The following H2BC18 variants were observed in gnomAD, a reference collection of about 807,000 sequenced individuals.
The protein encoded by H2BC18 is histone H2B type 2-F.
H2BC18 carries 8 observed loss-of-function variants against 6.3 expected under a neutral mutation model. That is an observed-to-expected ratio of 1.28 (90% CI 0.75 to 2.31). H2BC18 has a LOEUF of 2.31. Ranked by LOEUF, H2BC18 falls within the 30% of genes most tolerant of loss-of-function variation. The pLI is 0.00. For missense variants in H2BC18, 106 were observed against 174.5 expected, an observed-to-expected ratio of 0.61 and a Z score of 2.21; for synonymous variants, 104 against 78.1, an observed-to-expected ratio of 1.33 and a Z score of -1.75.
intron 1 of H2BC18, among the ~76,000 whole-genome samples, chr1:149,791,073 C>A (rs2091698829): frequency 6.6e-6 from 1 of 150,988 alleles, no homozygotes; most frequent in African/African-American, 2.4e-5. Flanking sequence ...CACCATATAG[C>A]CAGTTAGAGC....
At chr1:149,789,298 C>T (rs2091636023) in intron 1 of H2BC18, among the ~76,000 whole-genome samples, 1 of 152,022 alleles carries the variant, frequency 6.6e-6, no homozygotes, top group Non-Finnish European at 1.5e-5. Context: ...GAGGCTGAGG[C>T]AGGAGAATAG....
chr1:149,812,208 G>C lies in H2BC18; in HGVS notation c.116C>G (p.Ser39Cys), dbSNP rs1313691169. ...CTTCAGCACCTTGTACACGTAAACG[G>C]AGTAGCTCTCCTTGCGGCTGCGCTT... ...KRKRSRKESY[S>C]VYVYKVLKQV... The change falls in exon 1 of 1, where the codon TCC (serine) becomes TGC (cysteine). Residue 39 changes from serine to cysteine, a missense_variant. Transcript: ENST00000369167. 15 of 1,614,154 alleles carry C rather than the reference G, an allele frequency of 9.3e-6. No homozygotes were observed. The highest frequency in any genetic ancestry group is 1.3e-5 in the African/African-American group (1 of 74,952).
At chr1:149,794,163 A>C (rs1197740728) in intron 1 of H2BC18, 1 of 361,148 alleles carries the variant, frequency 2.8e-6, no homozygotes, top group African/African-American at 2.2e-5. Context: ...CTGGACTAAC[A>C]TGGTAACAGT....
At chr1:149,789,317 C>T (rs587681037) in intron 1 of H2BC18, among the ~76,000 whole-genome samples, 2 of 151,984 alleles carry the variant, frequency 1.3e-5, no homozygotes, top group South Asian at 4.2e-4. Flanking sequence ...AGCATGAACC[C>T]GGGAAGCGGA....
Position 149,784,072 on chromosome 1 carries a change from T to G in H2BC18, c.378-812A>C, listed in dbSNP as rs782357137. The G allele has an allele frequency of 5.6e-6, 9 of 1,611,248 alleles. No homozygotes were observed. In the South Asian group the frequency reaches 7.7e-5, roughly 14 times the overall value. ...GTGTTCCAAGAGGAAACCGTAACCTTGCACTGTGAGGTGCTCCATCTGCCT... is the reference window on the plus strand; with the variant it reads ...GTGTTCCAAGAGGAAACCGTAACCTGGCACTGTGAGGTGCTCCATCTGCCT... On this transcript the variant is annotated intron_variant, in intron 1 of 1. Coordinates refer to the H2BC18 transcript ENST00000545683.
downstream of H2BC18, chr1:149,810,998 T>TC (rs1193359128): frequency 6.6e-6 from 1 of 152,214 alleles, no homozygotes; most frequent in Non-Finnish European, 1.5e-5. Context: ...GGAAGTATTT[T>TC]CCTGTGGAGA....
At chr1:149,810,342 G>T (rs1318922177), downstream of H2BC18, 1 of 151,788 alleles carries the variant, frequency 6.6e-6, no homozygotes, top group African/African-American at 2.4e-5. Flanking sequence ...CTCTTGTCTG[G>T]TGATCAGAAA....
At chr1:149,805,373 A>G (rs2091908252) in intron 1 of H2BC18, 1 of 152,138 alleles carries the variant, frequency 6.6e-6, no homozygotes, top group Admixed American at 6.5e-5. Flanking sequence ...ACTCATGTAT[A>G]ATCCCTTGAC....
At chr1:149,787,218 T>C (rs1465035423) in intron 1 of H2BC18, 4 of 152,224 alleles carry the variant, frequency 2.6e-5, no homozygotes, top group African/African-American at 9.6e-5. Context: ...GACTGTAAAA[T>C]TCATGCTATG....
At chr1:149,805,972 A>G (rs1203490884) in intron 1 of H2BC18, among the ~76,000 whole-genome samples, 31 of 152,206 alleles carry the variant, frequency 2.0e-4, no homozygotes, top group African/African-American at 7.5e-4. Context: ...TCTGGGTCCA[A>G]AGTAGTTGCC....
At chr1:149,808,911 C>T (rs1271702311), downstream of H2BC18, among the ~76,000 whole-genome samples, 2 of 151,468 alleles carry the variant, frequency 1.3e-5, no homozygotes, top group Non-Finnish European at 2.9e-5. Flanking sequence ...ATCTGTTGTC[C>T]TATGCTTACA....
downstream of H2BC18, among the ~76,000 whole-genome samples, chr1:149,809,004 T>C (rs2091948486): frequency 7.0e-6 from 1 of 143,786 alleles, no homozygotes; most frequent in South Asian, 2.3e-4. Context: ...CTAAAAATTA[T>C]GACATGAGAT....
intron 1 of H2BC18, chr1:149,803,453 A>G (rs1553753566): frequency 6.6e-6 from 1 of 152,108 alleles, no homozygotes; most frequent in Non-Finnish European, 1.5e-5. Context: ...TCACTAATCT[A>G]TATCCTTCAT....
chr1:149,804,182 A>T (rs1313009911), intron 1 of H2BC18, among the ~76,000 whole-genome samples: 2 of 152,088 alleles, frequency 1.3e-5, no homozygotes, highest in East Asian at 3.8e-4. Context: ...AAGAGCTTTC[A>T]ACTCAAAAAT....
rs587611406 is a variant in H2BC18 at position 149,799,598 on chromosome 1, TG to T, written c.377+12348del. On this transcript the variant is annotated intron_variant, in intron 1 of 1. Transcript: ENST00000545683. ...AATGACAGCCCCTGAAATTGTGCAGTGCACAATCAGCAAATCTTATTTGGTA... is the reference window on the plus strand; with the variant it reads ...AATGACAGCCCCTGAAATTGTGCAGTCACAATCAGCAAATCTTATTTGGTA... Among the ~76,000 whole-genome samples the T allele has an allele frequency of 4.2e-4, 64 of 152,342 alleles. No homozygotes were observed. The East Asian group carries it at 8.9e-3, about 21-fold the overall frequency.
intron 1 of H2BC18, among the ~76,000 whole-genome samples, chr1:149,802,632 G>C (rs2101476039): frequency 6.6e-6 from 1 of 152,330 alleles, no homozygotes; most frequent in Middle Eastern, 3.4e-3. Context: ...CCTACAGTGG[G>C]CCGTCTGCAA....
intron 1 of H2BC18, chr1:149,786,754 A>C (rs1285746742): frequency 6.6e-6 from 1 of 152,204 alleles, no homozygotes; most frequent in Non-Finnish European, 1.5e-5. Context: ...AAACTCATAA[A>C]TTTCCATTAT....
At chr1:149,804,410 A>G (rs2091899813) in intron 1 of H2BC18, among the ~76,000 whole-genome samples, 1 of 152,218 alleles carries the variant, frequency 6.6e-6, no homozygotes, top group African/African-American at 2.4e-5. Flanking sequence ...TCTACATAAC[A>G]AAGGTCCTAC....
chr1:149,811,674 G>A, downstream of H2BC18: 1 of 546,280 alleles, frequency 1.8e-6, no homozygotes, highest in East Asian at 3.4e-5. Flanking sequence ...ATCCCAGAAC[G>A]AGTCAAACCT....
Sources: gnomAD v4.1 joint callset for allele counts (sites outside exome capture counted in the v4.1 genomes callset) on GRCh38, gnomAD v4.1.1 for gene constraint, MANE v1.5 for transcripts, NCBI Gene and HGNC (gene_info 2026-07-23, HGNC 2026-07-21) for gene names.